Variants in SUMF1 observed in about 807,000 individuals in gnomAD.
SUMF1 encodes formylglycine-generating enzyme.
Under a neutral mutation model 47.6 loss-of-function variants are expected in SUMF1, and 48 were observed. The observed-to-expected ratio is 1.01, with a 90% CI of 0.80 to 1.28. The LOEUF (loss-of-function observed/expected upper bound fraction) is 1.28. Among genes scored for constraint, SUMF1 ranks in the 50% most tolerant of loss-of-function variants. The pLI, the probability that SUMF1 is intolerant of heterozygous loss-of-function variation, is 0.00. For missense variants in SUMF1, 571 were observed against 485.4 expected, an observed-to-expected ratio of 1.18 and a Z score of -1.66; for synonymous variants, 230 against 192.1, an observed-to-expected ratio of 1.20 and a Z score of -1.63.
At chr3:4,303,046 C>G (rs1698011770) in intron 8 of SUMF1, among the ~76,000 whole-genome samples, 1 of 152,214 alleles carries the variant, frequency 6.6e-6, no homozygotes, top group African/African-American at 2.4e-5. Flanking sequence ...CTCCACTCCA[C>G]AAACGTGCAG....
At chr3:4,100,706 T>A (rs1468142222) in intron 8 of SUMF1, among the ~76,000 whole-genome samples, 3 of 151,512 alleles carry the variant, frequency 2.0e-5, no homozygotes, top group African/African-American at 7.3e-5. Context: ...ATTAATAGAG[T>A]GAAGAGACAA....
chr3:4,458,985 C>T (rs1411046663), intron 1 of SUMF1, among the ~76,000 whole-genome samples: 1 of 151,982 alleles, frequency 6.6e-6, no homozygotes, highest in African/African-American at 2.4e-5. Flanking sequence ...TATGTGAAAT[C>T]TAAAAAAGTT....
chr3:4,214,483 C>T (rs1695872543), intron 8 of SUMF1, among the ~76,000 whole-genome samples: 1 of 152,132 alleles, frequency 6.6e-6, no homozygotes, highest in Middle Eastern at 3.4e-3. Flanking sequence ...ACCCTAACAT[C>T]GCAATGAAAA....
At chr3:4,155,421 T>C (rs1267812602) in intron 8 of SUMF1, among the ~76,000 whole-genome samples, 1 of 151,634 alleles carries the variant, frequency 6.6e-6, no homozygotes, top group African/African-American at 2.4e-5. Flanking sequence ...CCAGCTCCTT[T>C]AGGCATGCGA....
intron 9 of SUMF1, among the ~76,000 whole-genome samples, chr3:4,035,049 T>C (rs183183896): frequency 1.3e-4 from 19 of 151,990 alleles, no homozygotes; most frequent in Non-Finnish European, 2.2e-4. Context: ...AGTAAAGACG[T>C]CAGAAAATCA....
chr3:4,299,311 T>C (rs1166090645), intron 8 of SUMF1, among the ~76,000 whole-genome samples: 1 of 152,192 alleles, frequency 6.6e-6, no homozygotes, highest in African/African-American at 2.4e-5. Flanking sequence ...CTGCAAGCAC[T>C]ATTCCCACAG....
chr3:4,379,989 TCATGATCAAGTTTATGACTG>T (rs1462756243), intron 7 of SUMF1, among the ~76,000 whole-genome samples: 8 of 152,180 alleles, frequency 5.3e-5, no homozygotes, highest in Non-Finnish European at 2.9e-5. Flanking sequence ...ACAGTGTCTC[TCATGATCAAGTTTATGACTG>T]CAGGCTAAAA....
At chr3:4,291,315 A>G (rs1341926960) in intron 8 of SUMF1, among the ~76,000 whole-genome samples, 1 of 151,984 alleles carries the variant, frequency 6.6e-6, no homozygotes, top group Admixed American at 6.6e-5. Flanking sequence ...AATAATCCAG[A>G]TATTTTCGCT....
chr3:4,036,149 A>T (rs540112414), intron 9 of SUMF1, among the ~76,000 whole-genome samples: 2 of 152,352 alleles, frequency 1.3e-5, no homozygotes, highest in African/African-American at 4.8e-5. Context: ...CAATGAATGT[A>T]AAACATTTAT....
chr3:4,303,191 C>G (rs1698015964), intron 8 of SUMF1: 2 of 545,558 alleles, frequency 3.7e-6, no homozygotes, highest in Non-Finnish European at 6.2e-6. Flanking sequence ...GTGCCTCTGG[C>G]TGAAATCAAA....
chr3:4,435,952 G>A (rs868789233), intron 3 of SUMF1, among the ~76,000 whole-genome samples: 12 of 152,222 alleles, frequency 7.9e-5, no homozygotes, highest in Admixed American at 6.5e-4. Context: ...AACAGAAATG[G>A]TTTGGATAAA....
intron 7 of SUMF1, among the ~76,000 whole-genome samples, chr3:4,398,191 G>T (rs946338670): frequency 6.6e-6 from 1 of 151,936 alleles, no homozygotes; most frequent in African/African-American, 2.4e-5. Flanking sequence ...TAAACCCACC[G>T]AGGTGGGTTT....
intron 8 of SUMF1, among the ~76,000 whole-genome samples, chr3:4,257,514 G>A (rs565401250): frequency 0.029 from 4,338 of 151,420 alleles, 218 homozygotes; most frequent in African/African-American, 0.1. Flanking sequence ...ATTCAAAATT[G>A]CTTCAAAGAG....
chr3:4,211,285 G>A (rs868808866), intron 8 of SUMF1, among the ~76,000 whole-genome samples: 18 of 143,082 alleles, frequency 1.3e-4, no homozygotes, highest in South Asian at 2.2e-4. Context: ...ACTAAGCCTA[G>A]TACCCATTAG....
At chr3:4,253,576 T>C (rs372837741) in intron 8 of SUMF1, among the ~76,000 whole-genome samples, 76 of 150,946 alleles carry the variant, frequency 5.0e-4, no homozygotes, top group Non-Finnish European at 6.6e-4. Flanking sequence ...CGGCGCACCA[T>C]GAGACTATAT....
At chr3:4,378,128 A>G (rs867312792) in intron 7 of SUMF1, among the ~76,000 whole-genome samples, 9 of 152,272 alleles carry the variant, frequency 5.9e-5, no homozygotes, top group Middle Eastern at 3.4e-3. Flanking sequence ...TAAGTCAAAA[A>G]TGCATTTAAT....
chr3:4,183,211 A>C (rs1378267353), intron 8 of SUMF1, among the ~76,000 whole-genome samples: 2 of 152,220 alleles, frequency 1.3e-5, no homozygotes, highest in Non-Finnish European at 2.9e-5. Flanking sequence ...CCATTGTATA[A>C]AATTAAGAAT....
chr3:4,040,851 T>G (rs946362241), intron 9 of SUMF1, among the ~76,000 whole-genome samples: 1 of 152,180 alleles, frequency 6.6e-6, no homozygotes, highest in African/African-American at 2.4e-5. Flanking sequence ...ACATTTTTAT[T>G]GAACTCTTTA....
At chr3:4,230,974 G>A (rs1473720329) in intron 8 of SUMF1, among the ~76,000 whole-genome samples, 1 of 152,146 alleles carries the variant, frequency 6.6e-6, no homozygotes, top group African/African-American at 2.4e-5. Context: ...AGGTACATGT[G>A]AATTACAGGG....
Sources: allele counts gnomAD v4.1 joint callset (sites outside exome capture counted in the v4.1 genomes callset), GRCh38; gene constraint gnomAD v4.1.1; transcripts MANE v1.5; gene names NCBI Gene and HGNC (gene_info 2026-07-23, HGNC 2026-07-21).